The following IL1RAP variants were observed in gnomAD, a reference collection of about 807,000 sequenced individuals.
IL1RAP encodes the protein interleukin-1 receptor accessory protein.
IL1RAP carries 35 observed loss-of-function variants against 60.7 expected under a neutral mutation model. That is an observed-to-expected ratio of 0.58 (90% confidence interval 0.44 to 0.76). The LOEUF is 0.76. IL1RAP is among the 30% of genes least tolerant of loss of function. The pLI is 0.00. For synonymous variants in IL1RAP, 268 were observed against 250.9 expected (o/e 1.07, Z -0.64); for missense variants, 572 against 693.9 (o/e 0.82, Z 1.97).
At chr3:190,634,838 C>G (rs1244704210) in intron 9 of IL1RAP, among the ~76,000 whole-genome samples, 1 of 152,040 alleles carries the variant, frequency 6.6e-6, no homozygotes, top group Non-Finnish European at 1.5e-5. Flanking sequence ...GCCTCAGCCT[C>G]CCGAGTAGCT....
intron 3 of IL1RAP, among the ~76,000 whole-genome samples, chr3:190,572,064 T>C (rs374852234): frequency 3.4e-4 from 52 of 152,100 alleles, no homozygotes; most frequent in African/African-American, 1.3e-3. Flanking sequence ...GGGGGAGAAA[T>C]CTTTAATTGT....
chr3:190,557,522 T>A (rs1725527223), intron 2 of IL1RAP, among the ~76,000 whole-genome samples: 4 of 152,186 alleles, frequency 2.6e-5, no homozygotes, highest in Admixed American at 2.6e-4. Flanking sequence ...TCTTATGAAC[T>A]TTGACTCTGC....
intron 1 of IL1RAP, among the ~76,000 whole-genome samples, chr3:190,553,388 C>A (rs2080794): frequency 0.69 from 105,610 of 152,136 alleles, 36,882 homozygotes; most frequent in Middle Eastern, 0.77. Flanking sequence ...AATAAACAAC[C>A]ACCACGCTTA....
chr3:190,640,924 G>T (rs190026952), intron 9 of IL1RAP, among the ~76,000 whole-genome samples: 2 of 152,182 alleles, frequency 1.3e-5, no homozygotes, highest in Admixed American at 6.5e-5. Flanking sequence ...CAGTTTGGTC[G>T]TACTACATCA....
chr3:190,653,422 A>C (rs548244995), downstream of IL1RAP, among the ~76,000 whole-genome samples: 18 of 152,356 alleles, frequency 1.2e-4, no homozygotes, highest in Admixed American at 9.1e-4. Context: ...ACAAATAGGG[A>C]TAAATGGAGA....
At chr3:190,611,717 G>T (rs528902411) in intron 5 of IL1RAP, among the ~76,000 whole-genome samples, 16 of 152,244 alleles carry the variant, frequency 1.1e-4, no homozygotes, top group African/African-American at 3.9e-4. Flanking sequence ...TGGTTACAAA[G>T]GCCTTTGCTT....
At chr3:190,584,498 C>A (rs1188141726) in intron 3 of IL1RAP, among the ~76,000 whole-genome samples, 2 of 152,204 alleles carry the variant, frequency 1.3e-5, no homozygotes, top group African/African-American at 4.8e-5. Context: ...GAATGAGAGT[C>A]CAGCTGCTGC....
exon 12 of IL1RAP, chr3:190,658,898 A>G (rs1161876946): frequency 6.6e-6 from 1 of 152,224 alleles, no homozygotes; most frequent in Non-Finnish European, 1.5e-5. Flanking sequence ...GGCCACCCTA[A>G]CTAAATATCC....
At chr3:190,539,599 A>T (rs1317302585) in intron 1 of IL1RAP, among the ~76,000 whole-genome samples, 1 of 152,018 alleles carries the variant, frequency 6.6e-6, no homozygotes, top group African/African-American at 2.4e-5. Flanking sequence ...CATCTGTATC[A>T]TATAACTCTG....
At chr3:190,554,460 AC>A (rs1560164645) in intron 1 of IL1RAP, among the ~76,000 whole-genome samples, 2 of 151,974 alleles carry the variant, frequency 1.3e-5, no homozygotes, top group Non-Finnish European at 2.9e-5. Context: ...TCTCCTGGGG[AC>A]CCTTTATATT....
chr3:190,522,850 G>C (rs1452442966), intron 1 of IL1RAP, among the ~76,000 whole-genome samples: 1 of 152,128 alleles, frequency 6.6e-6, no homozygotes, highest in Non-Finnish European at 1.5e-5. Flanking sequence ...TAGGATATCT[G>C]CACTGAAATC....
intron 1 of IL1RAP, among the ~76,000 whole-genome samples, chr3:190,522,411 GTATCTATGTATC>G (rs1427059842): frequency 8.8e-4 from 89 of 101,400 alleles, no homozygotes; most frequent in African/African-American, 4.5e-3. Flanking sequence ...ATCTATCTAT[GTATCTATGTATC>G]TATCTATCTA....
intron 1 of IL1RAP, among the ~76,000 whole-genome samples, chr3:190,532,521 C>T (rs1723081494): frequency 6.6e-6 from 1 of 152,150 alleles, no homozygotes; most frequent in South Asian, 2.1e-4. Flanking sequence ...CTCGGCCTCC[C>T]AAAGTGCTGG....
intron 1 of IL1RAP, among the ~76,000 whole-genome samples, chr3:190,537,780 CT>C (rs1723594876): frequency 6.6e-6 from 1 of 152,108 alleles, no homozygotes. Context: ...CAGATACCCC[CT>C]GCCCTCCAAA....
intron 1 of IL1RAP, chr3:190,520,683 AT>A (rs1168234958): frequency 6.6e-6 from 1 of 152,138 alleles, no homozygotes; most frequent in Non-Finnish European, 1.5e-5. Context: ...CACTTCAACT[AT>A]TATTTTCTGT....
rs934680101 is a variant in IL1RAP, at chr3:190,521,299, CATT to C, written c.-89+7081_-89+7083del. Among the ~76,000 whole-genome samples the C allele has an allele frequency of 1.3e-4, 20 of 151,828 alleles. 1 individual carries two copies. The highest frequency in any genetic ancestry group is 4.3e-4 in the African/African-American group (18 of 41,410). On this transcript the variant is annotated intron_variant, in intron 1 of 11. Coordinates refer to ENST00000447382, the MANE Select transcript of IL1RAP (RefSeq NM_002182.4). ...TATATGCAAATGTATACACATGTAA[CATT>C]TTTTTTTTGCAATAATTCTGAGGTA...
At chr3:190,554,231 C>G (rs908407113) in intron 1 of IL1RAP, among the ~76,000 whole-genome samples, 1 of 151,920 alleles carries the variant, frequency 6.6e-6, no homozygotes, top group South Asian at 2.1e-4. Context: ...CACAGACACA[C>G]AGAAGGGTGA....
intron 1 of IL1RAP, among the ~76,000 whole-genome samples, chr3:190,547,519 G>A (rs908231869): frequency 3.9e-5 from 6 of 152,182 alleles, no homozygotes; most frequent in Non-Finnish European, 8.8e-5. Context: ...TATTTCTTTA[G>A]GGCTTACTTT....
chr3:190,581,833 G>T (rs1252657732), intron 3 of IL1RAP, among the ~76,000 whole-genome samples: 1 of 152,156 alleles, frequency 6.6e-6, no homozygotes, highest in Admixed American at 6.5e-5. Flanking sequence ...ATATGGTGAA[G>T]AACAAATAGT....
Sources: gnomAD v4.1 joint callset for allele counts (sites outside exome capture counted in the v4.1 genomes callset) on GRCh38, gnomAD v4.1.1 for gene constraint, MANE v1.5 for transcripts, NCBI Gene and HGNC (gene_info 2026-07-23, HGNC 2026-07-21) for gene names.